The following UBAP2L variants were observed in gnomAD, a reference collection of about 807,000 sequenced individuals.
UBAP2L encodes the protein ubiquitin associated protein 2 like, also known as ubiquitin-associated protein 2-like.
Under a neutral mutation model 130.6 loss-of-function variants are expected in UBAP2L, and 12 were observed. That is an observed-to-expected ratio of 0.09 (90% CI 0.06 to 0.15). The LOEUF is 0.15. UBAP2L is among the 10% of genes least tolerant of loss of function. The pLI, the probability that UBAP2L is intolerant of heterozygous loss-of-function variation, is 1.00. For synonymous variants in UBAP2L, 503 were observed against 524.7 expected, an observed-to-expected ratio of 0.96 and a Z score of 0.57; for missense variants, 965 against 1,332.5, an observed-to-expected ratio of 0.72 and a Z score of 4.29.
intron 12 of UBAP2L, among the ~76,000 whole-genome samples, chr1:154,250,011 C>A (rs1429511572): frequency 6.6e-6 from 1 of 152,154 alleles, no homozygotes; most frequent in African/African-American, 2.4e-5. Flanking sequence ...TTAGGCTTAG[C>A]CATCTTAAGA....
chr1:154,220,410 CCT>C (rs765475824), upstream of UBAP2L: 6 of 1,614,112 alleles, frequency 3.7e-6, no homozygotes, highest in Non-Finnish European at 5.1e-6. Context: ...GACGCCATGG[CCT>C]CCCTACCTCG....
chr1:154,227,033 G>A (rs547241021), intron 2 of UBAP2L, among the ~76,000 whole-genome samples: 1 of 152,334 alleles, frequency 6.6e-6, no homozygotes, highest in African/African-American at 2.4e-5. Context: ...ATGTTGGCCA[G>A]GCTGGTCTCA....
Position 154,270,648 on chromosome 1 carries a change from GC to G in UBAP2L, c.*356del. On this transcript the variant is annotated 3_prime_UTR_variant, in exon 27 of 27. Coordinates refer to ENST00000428931, the MANE Select transcript of UBAP2L (RefSeq NM_014847.4). Reference sequence around the variant, plus strand: ...AGGTGGGACCCCCAAACATATATCAGCCCAACAGCCCTAAGTCTCCTTCTTT... The same window carrying G: ...AGGTGGGACCCCCAAACATATATCAGCCAACAGCCCTAAGTCTCCTTCTTT... The G allele has an allele frequency of 7.1e-7, 1 of 1,406,902 alleles. No individual in the cohort carries two copies. The highest frequency in any genetic ancestry group is 9.2e-7 in the Non-Finnish European group (1 of 1,086,388). 87.2% of individuals were successfully genotyped at this position (1,406,902 alleles called of 1,614,324 possible).
At chr1:154,232,289 A>G (rs1670092310) in intron 4 of UBAP2L, among the ~76,000 whole-genome samples, 1 of 151,292 alleles carries the variant, frequency 6.6e-6, no homozygotes, top group African/African-American at 2.4e-5. Flanking sequence ...GCACCACTGC[A>G]CTCCAGCATG....
chr1:154,244,212 A>T (rs1674571940), intron 10 of UBAP2L, among the ~76,000 whole-genome samples: 1 of 152,184 alleles, frequency 6.6e-6, no homozygotes, highest in Non-Finnish European at 1.5e-5. Context: ...ACCCAGAGTT[A>T]ATGCAGACCC....
chr1:154,251,767 A>G, intron 14 of UBAP2L, 114 bp downstream of exon 14: 1 of 1,188,096 alleles, frequency 8.4e-7, no homozygotes, highest in Non-Finnish European at 1.2e-6. Context: ...GCTGAGGGGG[A>G]AAGTAGTCAG....
chr1:154,270,470 G>A lies in UBAP2L; in HGVS notation c.*175G>A. 2 of 1,514,156 alleles carry A rather than the reference G, an allele frequency of 1.3e-6. No individual in the cohort carries two copies. The highest frequency in any genetic ancestry group is 1.8e-6 in the Non-Finnish European group (2 of 1,137,526). The allele number at this position is 1,514,156 out of a possible 1,614,324, so 93.8% of individuals were successfully genotyped here. A position where few individuals can be genotyped will look rare whatever the true frequency, so the allele number is the denominator to read the frequency against. On this transcript the variant is annotated 3_prime_UTR_variant, in exon 27 of 27. Coordinates refer to ENST00000428931, the MANE Select transcript of UBAP2L (RefSeq NM_014847.4). The stretch of plus-strand genomic sequence containing the variant: ...CCCATTCCTATACCATCCCCACCCT[G>A]TTGTATGTATTATAGGATTTGTATT...
At position 154,263,007 on chromosome 1, in the gene UBAP2L, C is replaced by T. The variant is rs908224660; in HGVS notation, c.2902+1310C>T. The T allele has an allele frequency of 3.2e-5, 37 of 1,166,676 alleles. No homozygotes were observed. The African/African-American group carries it at 4.4e-4, about 14-fold the overall frequency. 72.3% of individuals were successfully genotyped at this position (1,166,676 alleles called of 1,614,324 possible). ...CTTGCCTCCCTTCAGAATTCAGAAA[C>T]GTATTATATCAGCCCTTGAGAACCC... On this transcript the variant is annotated intron_variant, in intron 24 of 26. Transcript: ENST00000428931.
upstream of UBAP2L, chr1:154,220,232 C>A: frequency 7.4e-7 from 1 of 1,351,190 alleles, no homozygotes; most frequent in East Asian, 2.3e-5. Context: ...AGTCAAAGCC[C>A]GGATAGGCGC....
intron 12 of UBAP2L, among the ~76,000 whole-genome samples, chr1:154,250,745 T>G (rs1031826082): frequency 2.0e-5 from 3 of 151,250 alleles, no homozygotes; most frequent in African/African-American, 7.3e-5. Flanking sequence ...TCCCAGCTAC[T>G]CTGAGGCAAG....
chr1:154,234,455 A>G, intron 4 of UBAP2L, 136 bp from the exon 5 acceptor site: 1 of 807,086 alleles, frequency 1.2e-6, no homozygotes, highest in Non-Finnish European at 2.0e-6. Context: ...CAGAAGTAAA[A>G]GCAAACTAAT....
At chr1:154,249,574 T>G in intron 12 of UBAP2L, 137 bp downstream of exon 12, 2 of 963,838 alleles carry the variant, frequency 2.1e-6, no homozygotes, top group Non-Finnish European at 3.1e-6. Flanking sequence ...CCACATGTAT[T>G]TCCCCTAATC....
Position 154,251,021 on chromosome 1 carries a change from T to C in UBAP2L, c.1214-20T>C, listed in dbSNP as rs1180482163. ...ATTCATTAGCATCTCTGGCTTCATA[T>C]ACTGGGTTTCCTCTTGCAGATTTGA... On this transcript the variant is annotated intron_variant, in intron 12 of 26. Coordinates refer to ENST00000428931, the MANE Select transcript of UBAP2L (RefSeq NM_014847.4). 6.3e-7 allele frequency: 1 copy of C among 1,594,134 alleles called. No individual in the cohort carries two copies. Among genetic ancestry groups the C allele is most frequent in the Admixed American group, 1.7e-5 (1 of 58,918 alleles).
intron 10 of UBAP2L, among the ~76,000 whole-genome samples, chr1:154,245,429 T>C (rs779373718): frequency 2.0e-5 from 3 of 150,482 alleles, no homozygotes; most frequent in Non-Finnish European, 4.4e-5. Context: ...CAGGTAACTT[T>C]TGAAATTTTA....
In UBAP2L at chr1:154,254,822, T is replaced by G. The variant is rs1412805607; in HGVS notation, c.1855-14T>G. The G allele has an allele frequency of 3.1e-6, 5 of 1,600,878 alleles. No individual in the cohort carries two copies. Among genetic ancestry groups the G allele is most frequent in the Non-Finnish European group, 4.2e-6 (5 of 1,177,644 alleles). On this transcript the variant is annotated splice_polypyrimidine_tract_variant and intron_variant, in intron 15 of 26. Transcript: ENST00000428931. ...GTCTGTTTCTTGCTCTTCTGTTTTT[T>G]TTTTTTTTACCAGAATGGCTTCAGT... is the stretch of plus-strand genomic sequence containing the variant.
At chr1:154,237,244 A>C in intron 8 of UBAP2L, 108 bp downstream of exon 8, 1 of 1,039,714 alleles carries the variant, frequency 9.6e-7, no homozygotes, top group Non-Finnish European at 1.4e-6. Context: ...GGTTATGGAG[A>C]TAGGGTGAGA....
upstream of UBAP2L, chr1:154,220,520 C>A: frequency 8.3e-7 from 1 of 1,211,974 alleles, no homozygotes; most frequent in South Asian, 1.2e-5. Context: ...CCGGCCATTT[C>A]CTTACGGGGG....
chr1:154,236,922 A>G (rs1315903310), intron 7 of UBAP2L, 102 bp from the exon 8 acceptor site: 2 of 874,928 alleles, frequency 2.3e-6, no homozygotes, highest in Non-Finnish European at 1.8e-6. Context: ...GGGCCATGAC[A>G]GATTTGTACT....
intron 1 of UBAP2L, 44 bp from the exon 2 acceptor site, chr1:154,225,040 A>G (rs1667485222): frequency 7.2e-7 from 1 of 1,380,642 alleles, no homozygotes; most frequent in South Asian, 1.2e-5. Flanking sequence ...TTAAAAACAT[A>G]TTTTGCCCAC....
Sources: allele counts gnomAD v4.1 joint callset (sites outside exome capture counted in the v4.1 genomes callset), GRCh38; gene constraint gnomAD v4.1.1; transcripts MANE v1.5; gene names NCBI Gene and HGNC (gene_info 2026-07-23, HGNC 2026-07-21).